The following PRDM10 variants were observed in gnomAD, a reference collection of about 807,000 sequenced individuals.
PRDM10 encodes the protein PR domain zinc finger protein 10.
PRDM10 carries 65 observed loss-of-function variants against 133.1 expected under a neutral mutation model. That is an observed-to-expected ratio of 0.49 (90% CI 0.40 to 0.60). PRDM10 has a LOEUF of 0.60. PRDM10 is among the 20% of genes least tolerant of loss of function. PRDM10 has a pLI of 0.00. For missense variants in PRDM10, 1,137 were observed against 1,507.1 expected, an observed-to-expected ratio of 0.75 and a Z score of 4.07; for synonymous variants, 582 against 580.4, an observed-to-expected ratio of 1.00 and a Z score of -0.04.
intron 16 of PRDM10, 77 bp from the exon 17 acceptor site, chr11:129,915,095 A>T: frequency 7.1e-7 from 1 of 1,414,258 alleles, no homozygotes; most frequent in East Asian, 2.3e-5. Flanking sequence ...TAAATCCTCC[A>T]AAGATTCCTA....
chr11:129,931,760 G>A (rs938961949), intron 10 of PRDM10, among the ~76,000 whole-genome samples: 1 of 151,804 alleles, frequency 6.6e-6, no homozygotes, highest in African/African-American at 2.4e-5. Context: ...AGTAGAGACG[G>A]GGTTTCACCG....
chr11:129,937,850 A>G (rs1179151965), intron 7 of PRDM10, among the ~76,000 whole-genome samples, 180 bp from the exon 8 acceptor site: 1 of 152,244 alleles, frequency 6.6e-6, no homozygotes, highest in African/African-American at 2.4e-5. Context: ...TCAGTCAGGA[A>G]GTTCATTTGC....
rs139120318 is a variant in PRDM10 at position 129,920,177 on chromosome 11, C to G, written c.2035-1459G>C. ...CTTTAAACAACCAACTGACCTTAACCGAATCATCACATAAATTTCAAAGCC... is the reference window on the plus strand; with the variant it reads ...CTTTAAACAACCAACTGACCTTAACGGAATCATCACATAAATTTCAAAGCC... On this transcript the variant is annotated intron_variant, in intron 13 of 20. Coordinates refer to ENST00000360871, the MANE Select transcript of PRDM10 (RefSeq NM_199437.2). 3.7e-3 allele frequency among the ~76,000 whole-genome samples: 566 copies of G among 152,190 alleles called. 4 individuals carry two copies. The highest frequency in any genetic ancestry group is 0.013 in the African/African-American group (541 of 41,514).
chr11:129,973,280 A>G (rs1433633414), intron 1 of PRDM10, among the ~76,000 whole-genome samples: 3 of 152,234 alleles, frequency 2.0e-5, no homozygotes, highest in Non-Finnish European at 4.4e-5. Flanking sequence ...TAACAGTTCT[A>G]TGCAAATGTT....
rs2135818235 is a variant in PRDM10, at chr11:129,932,167, G to C, written c.1222C>G (p.Pro408Ala). The change falls in exon 10 of 21, where the codon CCT becomes GCT. Residue 408 changes from proline (P) to alanine (A), a missense_variant. Physicochemically the swap from Pro to Ala is conservative, Grantham distance 27. Transcript: ENST00000360871. ...RFGPGRRPGR[P>A]PKFIRLEITS... ...ATTTCCAGGCGGATAAATTTTGGAG[G>C]ACGCCCCGGCCGTCGACCTGGACCG... 1 of 1,614,092 alleles carries C rather than the reference G, an allele frequency of 6.2e-7. No individual in the cohort carries two copies. Among genetic ancestry groups the C allele is most frequent in the South Asian group, 1.1e-5 (1 of 91,074 alleles).
In PRDM10 at chr11:129,914,935, A is replaced by G; in HGVS notation, c.2610T>C (p.Ala870=). 1 of 1,614,170 alleles carries G rather than the reference A, an allele frequency of 6.2e-7. No homozygotes were observed. Among genetic ancestry groups the G allele is most frequent in the Non-Finnish European group, 8.5e-7 (1 of 1,180,016 alleles). The part of the protein sequence containing the change: ...SNTIHTPLTT[A]VISATPAVLT... Reference sequence around the variant, plus strand: ...AAACCGCTGGGGTGGCACTGATCACAGCTGTCGTCAGTGGTGTGTGTATGG... The same window carrying G: ...AAACCGCTGGGGTGGCACTGATCACGGCTGTCGTCAGTGGTGTGTGTATGG... Residue 870 remains alanine (A), a synonymous_variant, in exon 17 of 21, where the codon GCT becomes GCC. Transcript: ENST00000360871.
At chr11:129,982,720 G>A (rs929168210) in intron 1 of PRDM10, among the ~76,000 whole-genome samples, 1 of 152,144 alleles carries the variant, frequency 6.6e-6, no homozygotes, top group South Asian at 2.1e-4. Flanking sequence ...GGAGGCCAAG[G>A]TGGGAGGATC....
chr11:129,904,243 A>T (rs1244113068), intron 20 of PRDM10, among the ~76,000 whole-genome samples: 1 of 151,694 alleles, frequency 6.6e-6, no homozygotes, highest in East Asian at 1.9e-4. Flanking sequence ...TCTTAAGAAA[A>T]TCTTCCCTTG....
At chr11:129,934,699 T>G (rs1037354387) in intron 9 of PRDM10, among the ~76,000 whole-genome samples, 13 of 152,254 alleles carry the variant, frequency 8.5e-5, no homozygotes, top group Non-Finnish European at 1.9e-4. Flanking sequence ...TCCCATATGA[T>G]TCTCCCCTCA....
chr11:129,993,079 A>T (rs1938838962), intron 1 of PRDM10, among the ~76,000 whole-genome samples: 1 of 152,242 alleles, frequency 6.6e-6, no homozygotes, highest in African/African-American at 2.4e-5. Context: ...ATATGAATTT[A>T]TATCTGTACC....
At chr11:130,000,170 A>C (rs1267035936) in intron 1 of PRDM10, among the ~76,000 whole-genome samples, 1 of 151,050 alleles carries the variant, frequency 6.6e-6, no homozygotes, top group Admixed American at 6.6e-5. Flanking sequence ...CAGCCTCCCG[A>C]GTAGTTGGGA....
intron 11 of PRDM10, among the ~76,000 whole-genome samples, chr11:129,929,865 G>A (rs1160531238): frequency 6.6e-6 from 1 of 152,110 alleles, no homozygotes; most frequent in Non-Finnish European, 1.5e-5. Context: ...GTGCAGATTA[G>A]GAACTAAAGG....
At chr11:129,962,375 A>G (rs7949651) in intron 1 of PRDM10, among the ~76,000 whole-genome samples, 44,396 of 152,146 alleles carry the variant, frequency 0.29, 11,075 homozygotes, top group African/African-American at 0.65. Context: ...TGGAAAAGAG[A>G]GGATGCCATG....
Position 129,939,320 on chromosome 11 carries a change from A to G in PRDM10, c.967-1650T>C, listed in dbSNP as rs57345674. ...ATATGATTTTTACGGATTATTTTAA[A>G]TATATGGAAATATTTATAAAGACAT... is the stretch of plus-strand genomic sequence containing the variant. On this transcript the variant is annotated intron_variant, in intron 7 of 20. Transcript: ENST00000360871. Among the ~76,000 whole-genome samples, 1,491 of 152,352 alleles carry G rather than the reference A, an allele frequency of 9.8e-3. 21 individuals carry two copies. The highest frequency in any genetic ancestry group is 0.034 in the African/African-American group (1,405 of 41,570).
chr11:129,905,501 G>GACCTAGCT (rs1218188916), intron 20 of PRDM10, 137 bp downstream of exon 20: 28 of 707,148 alleles, frequency 4.0e-5, no homozygotes, highest in Non-Finnish European at 6.5e-5. Flanking sequence ...TAATGCCCAA[G>GACCTAGCT]ACCTAGCTTT....
In PRDM10 at chr11:129,942,422, G is replaced by A; in HGVS notation, c.966+4C>T. 1 of 1,613,330 alleles carries A rather than the reference G, an allele frequency of 6.2e-7. No individual in the cohort carries two copies. Among genetic ancestry groups the A allele is most frequent in the Non-Finnish European group, 8.5e-7 (1 of 1,179,526 alleles). On this transcript the variant is annotated splice_donor_region_variant and intron_variant, in intron 7 of 20. Transcript: ENST00000360871. The stretch of plus-strand genomic sequence containing the variant: ...ATAGCAGCACGGGTCAGGCAGCACT[G>A]TACCTTCAGTTCCTGCTTGGGCTCC...
Position 129,961,018 on chromosome 11 carries a change from C to T in PRDM10, c.-54G>A. 6.5e-7 allele frequency: 1 copy of T among 1,544,192 alleles called. No homozygotes were observed. Among genetic ancestry groups the T allele is most frequent in the Non-Finnish European group, 8.9e-7 (1 of 1,118,066 alleles). ...GGCACACCTAGAGCAGCACAGGGTACAGGACAGTCATCTGTCTACCACACG... is the reference window on the plus strand; with the variant it reads ...GGCACACCTAGAGCAGCACAGGGTATAGGACAGTCATCTGTCTACCACACG... On this transcript the variant is annotated 5_prime_UTR_variant, in exon 2 of 21. Coordinates refer to ENST00000360871, the MANE Select transcript of PRDM10 (RefSeq NM_199437.2).
At chr11:129,962,052 T>C (rs1476020182) in intron 1 of PRDM10, among the ~76,000 whole-genome samples, 2 of 152,198 alleles carry the variant, frequency 1.3e-5, no homozygotes, top group Admixed American at 1.3e-4. Flanking sequence ...CTACATTTTC[T>C]GCGTAAAAAA....
At chr11:129,942,400 G>A in intron 7 of PRDM10, 26 bp downstream of exon 7, 1 of 1,589,486 alleles carries the variant, frequency 6.3e-7, no homozygotes, top group Non-Finnish European at 8.6e-7. Flanking sequence ...CTAGCAAATA[G>A]CAGCACGGGT....
Sources: gnomAD v4.1 joint callset for allele counts (sites outside exome capture counted in the v4.1 genomes callset) on GRCh38, gnomAD v4.1.1 for gene constraint, MANE v1.5 for transcripts, NCBI Gene and HGNC (gene_info 2026-07-23, HGNC 2026-07-21) for gene names.